The following VEZF1 variants were observed in gnomAD, a reference collection of about 807,000 sequenced individuals.
The protein encoded by VEZF1 is putative transcription factor DB1.
A neutral mutation model predicts 44.1 loss-of-function variants in VEZF1; 5 were observed. That is an observed-to-expected ratio of 0.11 (90% CI 0.06 to 0.24). VEZF1 has a LOEUF of 0.24. VEZF1 is among the 10% of genes least tolerant of loss of function. The pLI, the probability that VEZF1 is intolerant of heterozygous loss-of-function variation, is 1.00. For synonymous variants in VEZF1, 236 were observed against 233.1 expected, an observed-to-expected ratio of 1.01 and a Z score of -0.11; for missense variants, 358 against 641.8, an observed-to-expected ratio of 0.56 and a Z score of 4.78.
rs768847670 is a variant in VEZF1, at chr17:57,980,655, A to G, written c.924T>C (p.His308=). The change falls in exon 4 of 6, where the codon CAT becomes CAC. Residue 308 remains histidine, a synonymous_variant. Coordinates refer to ENST00000581208, the MANE Select transcript of VEZF1 (RefSeq NM_007146.3). ...AAYITSHLKT[H]GQSQSINCNT... The stretch of plus-strand genomic sequence containing the variant: ...TACAGTTGATACTTTGGCTCTGCCC[A>G]TGAGTCTTTAAGTGGCTGGTGATGT... 99 of 1,613,688 alleles carry G rather than the reference A, an allele frequency of 6.1e-5. No homozygotes were observed. Among genetic ancestry groups the G allele is most frequent in the Non-Finnish European group, 8.1e-5 (96 of 1,180,054 alleles).
Position 57,982,729 on chromosome 17 carries a change from G to C in VEZF1, c.698C>G (p.Thr233Ser). ...SHEGGITKPYTCSVCGKGFSR... is the reference protein window; with the variant it reads ...SHEGGITKPYSCSVCGKGFSR... ...GAAGCCTTTCCCACAAACACTGCAA[G>C]TATAGGGTTTGGTGATGCCTCCTTC... The change falls in exon 2 of 6, where the codon ACT becomes AGT. Residue 233 changes from threonine to serine, a missense_variant. Around this residue, in one of 4 missense-constraint regions of VEZF1, gnomAD observed 48 missense variants for 144.9 expected, o/e 0.33. Transcript: ENST00000581208. 1 of 1,613,832 alleles carries C rather than the reference G, an allele frequency of 6.2e-7. No homozygotes were observed. The highest frequency in any genetic ancestry group is 8.5e-7 in the Non-Finnish European group (1 of 1,179,818).
rs754666851 is a variant in VEZF1, at chr17:57,988,043, G to A, written c.33+36C>T. 7 of 246,046 alleles carry A rather than the reference G, an allele frequency of 2.8e-5. No homozygotes were observed. In the South Asian group the frequency reaches 4.4e-4, roughly 16 times the overall value. 15.2% of individuals were successfully genotyped at this position (246,046 alleles called of 1,614,324 possible). A position where few individuals can be genotyped will look rare whatever the true frequency, so the allele number is the denominator to read the frequency against. ...CGCCAGCCCGGGGCCCGGCCCCCCT[G>A]TCCCCCCCGTGCCCCCCCGGGGGGG... On this transcript the variant is annotated intron_variant, in intron 1 of 5. Coordinates refer to ENST00000581208, the MANE Select transcript of VEZF1 (RefSeq NM_007146.3).
intron 1 of VEZF1, among the ~76,000 whole-genome samples, chr17:57,987,816 A>C (rs1325431996): frequency 6.6e-6 from 1 of 150,476 alleles, no homozygotes. Context: ...GGTGTGTGTG[A>C]GTGTGTGTGT....
At chr17:57,985,061 G>A (rs1275427739) in intron 1 of VEZF1, among the ~76,000 whole-genome samples, 1 of 152,182 alleles carries the variant, frequency 6.6e-6, no homozygotes, top group African/African-American at 2.4e-5. Flanking sequence ...CAACCTGGCT[G>A]TAGGATACTC....
chr17:57,982,068 C>G, intron 2 of VEZF1, 132 bp from the exon 3 acceptor site: 1 of 850,128 alleles, frequency 1.2e-6, no homozygotes, highest in Non-Finnish European at 1.9e-6. Context: ...ACCAACCTCC[C>G]TCCCCCGGTG....
At chr17:57,983,649 A>G (rs575746254) in intron 1 of VEZF1, among the ~76,000 whole-genome samples, 152 of 152,268 alleles carry the variant, frequency 1.0e-3, no homozygotes, top group African/African-American at 3.4e-3. Context: ...TAAACTACAC[A>G]CTATCCTGGT....
chr17:57,985,897 G>C (rs1397876125), intron 1 of VEZF1: 1 of 152,200 alleles, frequency 6.6e-6, no homozygotes, highest in African/African-American at 2.4e-5. Flanking sequence ...AAATTCAACA[G>C]GATGCTCCAG....
Position 57,983,213 on chromosome 17 carries a change from T to C in VEZF1, c.214A>G (p.Thr72Ala), listed in dbSNP as rs1188711098. The stretch of plus-strand genomic sequence containing the variant: ...CTGCAGTAAGTGCACACAAATGAAG[T>C]TTTGGGTTTTTCTTTTTTAATCCCA... ...AIGIKKEKPK[T>A]SFVCTYCSKA... Residue 72 changes from threonine (T) to alanine (A), a missense_variant, in exon 2 of 6, where the codon ACT (threonine) becomes GCT (alanine). Physicochemically the swap from Thr to Ala is moderately conservative, Grantham distance 58 (BLOSUM62 0). Around this residue, in one of 4 missense-constraint regions of VEZF1, gnomAD observed 117 missense variants for 207.2 expected, o/e 0.56. Coordinates refer to ENST00000581208, the MANE Select transcript of VEZF1 (RefSeq NM_007146.3). The C allele has an allele frequency of 1.2e-6, 2 of 1,613,782 alleles. No individual in the cohort carries two copies. Among genetic ancestry groups the C allele is most frequent in the Admixed American group, 1.7e-5 (1 of 59,990 alleles).
chr17:57,985,337 A>G (rs1158027286), intron 1 of VEZF1: 1 of 1,231,136 alleles, frequency 8.1e-7, no homozygotes, highest in African/African-American at 1.6e-5. Flanking sequence ...GGAGGGTCAC[A>G]CCAGGTCCCT....
rs73995411 is a variant in VEZF1, at chr17:57,979,246, C to T, written c.1044G>A (p.Gln348=). Residue 348 remains glutamine, a synonymous_variant, in exon 5 of 6, where the codon CAG becomes CAA. Coordinates refer to ENST00000581208, the MANE Select transcript of VEZF1 (RefSeq NM_007146.3). ...QQQQQQQQQQ[Q]QQQQQQHVTS... is the part of the protein sequence containing the mutation. ...TCACATGTTGTTGTTGTTGTTGTTGCTGCTGCTGCTGCTGCTGCTGCTGCT... is the reference window on the plus strand; with the variant it reads ...TCACATGTTGTTGTTGTTGTTGTTGTTGCTGCTGCTGCTGCTGCTGCTGCT... 2,351 of 1,404,280 alleles carry T rather than the reference C, an allele frequency of 1.7e-3. 3 individuals are homozygous for T. The highest frequency in any genetic ancestry group is 7.4e-3 in the African/African-American group (365 of 49,476). 87.0% of individuals were successfully genotyped at this position (1,404,280 alleles called of 1,614,324 possible). A position where few individuals can be genotyped will look rare whatever the true frequency, so the allele number is the denominator to read the frequency against.
intron 2 of VEZF1, 82 bp from the exon 3 acceptor site, chr17:57,982,018 G>T: frequency 6.8e-7 from 1 of 1,460,692 alleles, no homozygotes; most frequent in Non-Finnish European, 9.5e-7. Flanking sequence ...ATGCTTGGCA[G>T]ATTGGGAAGG....
At chr17:57,974,943 G>T in intron 5 of VEZF1, 43 bp from the exon 6 acceptor site, 1 of 1,550,494 alleles carries the variant, frequency 6.4e-7, no homozygotes. Context: ...TCAAAACAGT[G>T]AGCAAAATTC....
chr17:57,982,654 C>T, intron 2 of VEZF1, 45 bp downstream of exon 2: 1 of 1,545,854 alleles, frequency 6.5e-7, no homozygotes, highest in Non-Finnish European at 8.7e-7. Context: ...CTGAAGTACA[C>T]TGATACCATA....
intron 5 of VEZF1, among the ~76,000 whole-genome samples, chr17:57,976,701 C>T (rs575924609): frequency 5.9e-5 from 9 of 152,084 alleles, no homozygotes; most frequent in East Asian, 1.9e-4. Context: ...GAGAGATTCA[C>T]GCTACAAATG....
chr17:57,975,791 A>G (rs2075184756), intron 5 of VEZF1, among the ~76,000 whole-genome samples: 1 of 152,094 alleles, frequency 6.6e-6, no homozygotes, highest in African/African-American at 2.4e-5. Flanking sequence ...TTCTTATCCA[A>G]CAAAACCTGG....
Position 57,980,913 on chromosome 17 carries a change from A to C in VEZF1, c.793-127T>G, listed in dbSNP as rs1323913153. ...TGACAACTAGTTGAATTTTAATTGC[A>C]TATGTTACCTAGAATCATAATCATA... On this transcript the variant is annotated intron_variant, in intron 3 of 5. Coordinates refer to ENST00000581208, the MANE Select transcript of VEZF1 (RefSeq NM_007146.3). The C allele has an allele frequency of 6.0e-6, 5 of 829,794 alleles. No homozygotes were observed. The African/African-American group carries it at 6.9e-5, about 11-fold the overall frequency. The allele number at this position is 829,794 out of a possible 1,614,324, so 51.4% of individuals were successfully genotyped here.
At position 57,983,220 on chromosome 17, in the gene VEZF1, T is replaced by C. The variant is rs1166918672; in HGVS notation, c.207A>G (p.Lys69=). 4.3e-6 allele frequency: 7 copies of C among 1,613,576 alleles called. No homozygotes were observed. In the Admixed American group the frequency reaches 8.3e-5, roughly 19 times the overall value. The change falls in exon 2 of 6, where the codon AAA becomes AAG. Residue 69 remains lysine, a synonymous_variant. Coordinates refer to ENST00000581208, the MANE Select transcript of VEZF1 (RefSeq NM_007146.3). The part of the protein sequence containing the change: ...LKDAIGIKKE[K]PKTSFVCTYC... ...AAGTGCACACAAATGAAGTTTTGGGTTTTTCTTTTTTAATCCCAATGGCAT... is the reference window on the plus strand; with the variant it reads ...AAGTGCACACAAATGAAGTTTTGGGCTTTTCTTTTTTAATCCCAATGGCAT...
At chr17:57,987,511 G>A (rs1450821638) in intron 1 of VEZF1, among the ~76,000 whole-genome samples, 1 of 152,164 alleles carries the variant, frequency 6.6e-6, no homozygotes, top group Non-Finnish European at 1.5e-5. Flanking sequence ...CGGGGAACCT[G>A]GGGATACCCG....
intron 5 of VEZF1, among the ~76,000 whole-genome samples, chr17:57,977,591 T>A (rs1338941895): frequency 2.0e-5 from 3 of 152,124 alleles, no homozygotes. Context: ...ACGCCTATAA[T>A]CCCAGTACTT....
Sources: gnomAD v4.1 joint callset for allele counts (sites outside exome capture counted in the v4.1 genomes callset) on GRCh38, gnomAD v4.1.1 for gene constraint, gnomAD v4.1.1 regional missense constraint, MANE v1.5 for transcripts, NCBI Gene and HGNC (gene_info 2026-07-23, HGNC 2026-07-21) for gene names.